KIF1B: variants seen among roughly 807,000 people sequenced by gnomAD.
KIF1B encodes the protein kinesin family member 1B.
Under a neutral mutation model 241.9 loss-of-function variants are expected in KIF1B, and 76 were observed. The ratio of observed to expected loss-of-function variants is 0.31; its 90% CI spans 0.26 to 0.38. KIF1B has a LOEUF of 0.38. Ranked by LOEUF, KIF1B falls within the 10% of genes least tolerant of loss-of-function variation. The pLI is 1.00. For synonymous variants in KIF1B, 750 were observed against 796.7 expected, an observed-to-expected ratio of 0.94 and a Z score of 0.99; for missense variants, 1,622 against 2,271.4, an observed-to-expected ratio of 0.71 and a Z score of 5.81.
At chr1:10,276,784 A>G (rs1302585949) in intron 12 of KIF1B, among the ~76,000 whole-genome samples, 1 of 152,208 alleles carries the variant, frequency 6.6e-6, no homozygotes, top group Non-Finnish European at 1.5e-5. Context: ...TTGTCGTTAT[A>G]GAAATGCTGA....
At chr1:10,310,171 A>G (rs1358088564) in intron 22 of KIF1B, among the ~76,000 whole-genome samples, 1 of 151,708 alleles carries the variant, frequency 6.6e-6, no homozygotes, top group African/African-American at 2.4e-5. Flanking sequence ...ATATAAATCC[A>G]TAACCTGGAA....
intron 32 of KIF1B, among the ~76,000 whole-genome samples, 154 bp downstream of exon 32, chr1:10,340,013 A>C (rs1183423568): frequency 6.6e-6 from 1 of 152,212 alleles, no homozygotes; most frequent in Non-Finnish European, 1.5e-5. Flanking sequence ...GGTCATCCAC[A>C]GCGGCCTGAG....
At chr1:10,292,000 A>ATTGACAT (rs1650022986) in intron 16 of KIF1B, 47 bp from the exon 17 acceptor site, 1 of 1,499,194 alleles carries the variant, frequency 6.7e-7, no homozygotes, top group Middle Eastern at 1.7e-4. Flanking sequence ...GACTGATTTA[A>ATTGACAT]TTGACATTTT....
chr1:10,260,879 AAAG>A (rs937123977), intron 4 of KIF1B, among the ~76,000 whole-genome samples: 4 of 152,010 alleles, frequency 2.6e-5, no homozygotes, highest in Admixed American at 1.3e-4. Context: ...AAAAAAAAAA[AAAG>A]AAACCACACA....
intron 7 of KIF1B, among the ~76,000 whole-genome samples, chr1:10,270,803 G>A (rs1648749006): frequency 6.6e-6 from 1 of 151,864 alleles, no homozygotes; most frequent in African/African-American, 2.4e-5. Flanking sequence ...GTGGGCGCCT[G>A]TAAGCTCAGC....
rs2102271059 is a variant in KIF1B at position 10,303,799 on chromosome 1, C to A, written c.2115+6553C>A. The A allele has an allele frequency of 1.2e-6, 2 of 1,614,178 alleles. No individual in the cohort carries two copies. Among genetic ancestry groups the A allele is most frequent in the East Asian group, 2.2e-5 (1 of 44,894 alleles). On this transcript the variant is annotated intron_variant, in intron 22 of 48. Coordinates refer to ENST00000676179, the MANE Select transcript of KIF1B (RefSeq NM_001365951.3). This position sits in a 1 kb window ranked among gnomAD's most constrained non-coding sequence, Gnocchi z 5.2. ...TCAGGAACAGAAAAGCCCAGGAAGC[C>A]ACAAAGCAAAGGAGCCTGTTGGTGC...
At chr1:10,269,677 C>T (rs112440591) in intron 7 of KIF1B, among the ~76,000 whole-genome samples, 7,978 of 150,976 alleles carry the variant, frequency 0.053, 335 homozygotes, top group Middle Eastern at 0.13. Context: ...AAAAATTAGC[C>T]GGTCATGGTG....
At chr1:10,324,663 T>G in intron 25 of KIF1B, 95 bp from the exon 26 acceptor site, 2 of 1,474,100 alleles carry the variant, frequency 1.4e-6, no homozygotes, top group Non-Finnish European at 1.9e-6. Context: ...CTTTTTTTTT[T>G]TTTGAAGAAA....
intron 43 of KIF1B, 56 bp from the exon 44 acceptor site, chr1:10,368,411 G>A (rs1638634817): frequency 6.7e-7 from 1 of 1,494,322 alleles, no homozygotes; most frequent in South Asian, 1.1e-5. Flanking sequence ...GCTATCCCAA[G>A]GCTCCTGGCT....
At chr1:10,217,835 T>A (rs1646789320) in intron 1 of KIF1B, among the ~76,000 whole-genome samples, 1 of 152,026 alleles carries the variant, frequency 6.6e-6, no homozygotes, top group Non-Finnish European at 1.5e-5. Flanking sequence ...CGATTCTCTA[T>A]ACCTGATTTA....
intron 27 of KIF1B, among the ~76,000 whole-genome samples, chr1:10,331,496 T>C (rs1173539676): frequency 6.6e-6 from 1 of 152,240 alleles, no homozygotes; most frequent in Non-Finnish European, 1.5e-5. Context: ...CATTTGCAGT[T>C]ATTTTTGTTA....
chr1:10,321,570 A>G, intron 23 of KIF1B, 139 bp from the exon 24 acceptor site: 1 of 843,662 alleles, frequency 1.2e-6, no homozygotes, highest in African/African-American at 1.7e-5. Context: ...GGTAAGCTTT[A>G]CTAAAAAGAA....
chr1:10,273,151 C>T, intron 10 of KIF1B, 120 bp downstream of exon 10: 1 of 703,988 alleles, frequency 1.4e-6, no homozygotes, highest in Non-Finnish European at 2.4e-6. Flanking sequence ...CATTTGTTCT[C>T]TGGCTCTGGA....
intron 22 of KIF1B, among the ~76,000 whole-genome samples, chr1:10,310,380 G>C (rs1170618865): frequency 6.6e-6 from 1 of 151,546 alleles, no homozygotes; most frequent in Non-Finnish European, 1.5e-5. Flanking sequence ...TGGAATGGGG[G>C]CTTGGTAAGC....
chr1:10,292,077 C>T lies in KIF1B; in HGVS notation c.1545C>T (p.Ala515=). Residue 515 remains alanine (A), a synonymous_variant, in exon 17 of 49, where the codon GCC becomes GCT. Coordinates refer to ENST00000676179, the MANE Select transcript of KIF1B (RefSeq NM_001365951.3). Reference sequence around the variant, plus strand: ...CTTTGTTGGCTGAGATGGGAGTTGCCATTCGGGAAGATGGAGGAACCCTAG... The same window carrying T: ...CTTTGTTGGCTGAGATGGGAGTTGCTATTCGGGAAGATGGAGGAACCCTAG... ...REALLAEMGV[A]IREDGGTLGV... 6.2e-7 allele frequency: 1 copy of T among 1,613,916 alleles called. No individual in the cohort carries two copies. The highest frequency in any genetic ancestry group is 1.1e-5 in the South Asian group (1 of 91,076).
intron 15 of KIF1B, among the ~76,000 whole-genome samples, chr1:10,284,892 T>C (rs1649613316): frequency 6.6e-6 from 1 of 152,036 alleles, no homozygotes; most frequent in Non-Finnish European, 1.5e-5. Flanking sequence ...AATAATGTGC[T>C]TGTTTCTTCC....
In KIF1B at chr1:10,261,979, AGCC is replaced by A. The variant is rs1648172831; in HGVS notation, c.429+11_429+13del. On this transcript the variant is annotated intron_variant, in intron 5 of 48. Transcript: ENST00000676179. ...TGTCTTACTCTGTAGAGGTGAGTAC[AGCC>A]GTGAGTTGACACCGTAAGCCCTTGT... is the stretch of plus-strand genomic sequence containing the variant. The A allele has an allele frequency of 6.3e-7, 1 of 1,597,366 alleles. No individual in the cohort carries two copies. Among genetic ancestry groups the A allele is most frequent in the Non-Finnish European group, 8.6e-7 (1 of 1,164,796 alleles).
chr1:10,303,543 G>A lies in KIF1B; in HGVS notation c.2115+6297G>A, dbSNP rs1447245402. 1 of 1,614,060 alleles carries A rather than the reference G, an allele frequency of 6.2e-7. No homozygotes were observed. The highest frequency in any genetic ancestry group is 8.5e-7 in the Non-Finnish European group (1 of 1,180,032). On this transcript the variant is annotated intron_variant, in intron 22 of 48. Coordinates refer to ENST00000676179, the MANE Select transcript of KIF1B (RefSeq NM_001365951.3). The surrounding 1 kb of genome is among the most constrained non-coding windows in gnomAD (Gnocchi z 5.2). ...ACCCCAATGAGCGGGACTCCTGGAG[G>A]GCAGTGGCCAGGGACGTCTGGGATA...
chr1:10,212,913 T>TATATAC (rs1646714748), intron 1 of KIF1B, among the ~76,000 whole-genome samples: 1 of 127,084 alleles, frequency 7.9e-6, no homozygotes, highest in Non-Finnish European at 1.7e-5. Context: ...TATATATATA[T>TATATAC]ATATATATAT....
Sources: gnomAD v4.1 joint callset for allele counts (sites outside exome capture counted in the v4.1 genomes callset) on GRCh38, gnomAD v4.1.1 for gene constraint, Gnocchi (gnomAD v3.1) non-coding constraint, MANE v1.5 for transcripts, NCBI Gene and HGNC (gene_info 2026-07-23, HGNC 2026-07-21) for gene names.